The following NPY2R variants were observed in gnomAD, a reference collection of about 807,000 sequenced individuals.
NPY2R encodes neuropeptide Y receptor type 2.
NPY2R carries 17 observed loss-of-function variants against 22.3 expected under a neutral mutation model. The ratio of observed to expected loss-of-function variants is 0.76; its 90% CI spans 0.52 to 1.14. The LOEUF (loss-of-function observed/expected upper bound fraction) is 1.14, where lower values mean the gene tolerates loss of function less well. Ranked by LOEUF, NPY2R falls within the 50% of genes most tolerant of loss-of-function variation. The pLI, the probability that NPY2R is intolerant of heterozygous loss-of-function variation, is 0.00. For synonymous variants in NPY2R, 209 were observed against 183.4 expected, an observed-to-expected ratio of 1.14 and a Z score of -1.13; for missense variants, 424 against 467.9, an observed-to-expected ratio of 0.91 and a Z score of 0.87.
upstream of NPY2R, among the ~76,000 whole-genome samples, chr4:155,204,202 GAA>G (rs58738862): frequency 5.0e-5 from 7 of 138,962 alleles, no homozygotes; most frequent in African/African-American, 1.6e-4. Context: ...AAGGTGAGGG[GAA>G]AAAAAAAAAA....
chr4:155,187,601 C>T, the NPY2R span, among the ~76,000 whole-genome samples: 2 of 151,984 alleles, frequency 1.3e-5, no homozygotes, highest in African/African-American at 4.8e-5. Context: ...GTTTAATTGG[C>T]TTCATTAAGT....
At chr4:155,174,475 T>TAC in the NPY2R span, among the ~76,000 whole-genome samples, 1 of 88,188 alleles carries the variant, frequency 1.1e-5, no homozygotes, top group African/African-American at 5.9e-5. Flanking sequence ...TATATATATA[T>TAC]ATATATATAT....
chr4:155,214,110 C>G lies in NPY2R; in HGVS notation c.171C>G (p.Tyr57Ter). 1 of 1,613,926 alleles carries G rather than the reference C, an allele frequency of 6.2e-7. No individual in the cohort carries two copies. Among genetic ancestry groups the G allele is most frequent in the Non-Finnish European group, 8.5e-7 (1 of 1,179,766 alleles). ...IEVQVVLILAYCSIILLGVIG... is the reference protein window; with the variant it reads ...IEVQVVLILA ...TACAAGTTGTTCTCATATTGGCCTA[C>G]TGCTCCATCATCTTGCTTGGGGTAA... Residue 57 changes from tyrosine to a stop codon, truncating the protein, a stop_gained, in exon 2 of 2, where the codon TAC becomes TAG. Transcript: ENST00000329476. LOFTEE classifies it high-confidence loss of function.
chr4:155,179,926 AT>A, the NPY2R span, among the ~76,000 whole-genome samples: 1 of 151,894 alleles, frequency 6.6e-6, no homozygotes, highest in Non-Finnish European at 1.5e-5. Context: ...CATAGTATTC[AT>A]TTCAGTGGTT....
At chr4:155,184,241 A>T in the NPY2R span, among the ~76,000 whole-genome samples, 1 of 151,962 alleles carries the variant, frequency 6.6e-6, no homozygotes, top group Non-Finnish European at 1.5e-5. Context: ...TTCTCCTTTC[A>T]TGCCCAGATA....
chr4:155,198,533 C>CA, the NPY2R span, among the ~76,000 whole-genome samples: 2 of 86,528 alleles, frequency 2.3e-5, no homozygotes, highest in Non-Finnish European at 5.2e-5. Context: ...AAATATATAT[C>CA]AAATATCTTA....
rs968235492 is a variant in NPY2R at position 155,208,977 on chromosome 4, A to T, written c.-141A>T. ...CCGGACTTGCCTTTGGGCACCTTCC[A>T]GGGCCCTCTCCAGGTCGGCTGGCTA... is the stretch of plus-strand genomic sequence containing the variant. On this transcript the variant is annotated 5_prime_UTR_variant, in exon 1 of 2. Transcript: ENST00000329476. The surrounding 1 kb of genome is among the most constrained non-coding windows in gnomAD (Gnocchi z 5.6). 20 of 152,230 alleles carry T rather than the reference A, an allele frequency of 1.3e-4. No homozygotes were observed. The highest frequency in any genetic ancestry group is 4.8e-4 in the African/African-American group (20 of 41,458). 9.4% of individuals were successfully genotyped at this position (152,230 alleles called of 1,614,324 possible).
the NPY2R span, among the ~76,000 whole-genome samples, chr4:155,203,393 A>G: frequency 6.6e-6 from 1 of 152,186 alleles, no homozygotes; most frequent in African/African-American, 2.4e-5. Context: ...ACTCGCTACA[A>G]ATGAAGGTCA....
chr4:155,199,735 G>GACAAACCT, the NPY2R span, among the ~76,000 whole-genome samples: 3 of 150,416 alleles, frequency 2.0e-5, no homozygotes, highest in Admixed American at 6.6e-5. Context: ...CATCTGAACT[G>GACAAACCT]GACAAAAACA....
At position 155,213,949 on chromosome 4, in the gene NPY2R, A is replaced by G. The variant is rs555853130; in HGVS notation, c.10A>G (p.Ile4Val). Residue 4 changes from isoleucine (I) to valine (V), a missense_variant, in exon 2 of 2, where the codon ATA becomes GTA. By Grantham distance (29) the Ile-to-Val change is conservative (BLOSUM62 3). Coordinates refer to ENST00000329476, the MANE Select transcript of NPY2R (RefSeq NM_000910.4). The stretch of plus-strand genomic sequence containing the variant: ...TGGACCTGTACTGAAAATGGGTCCA[A>G]TAGGTGCAGAGGCTGATGAGAACCA... MGP[I>V]GAEADENQTV... is the part of the protein sequence containing the mutation. 12 of 1,613,944 alleles carry G rather than the reference A, an allele frequency of 7.4e-6. No homozygotes were observed. The Middle Eastern group carries it at 6.7e-4, about 90-fold the overall frequency.
At chr4:155,202,970 C>T in the NPY2R span, among the ~76,000 whole-genome samples, 2 of 152,178 alleles carry the variant, frequency 1.3e-5, no homozygotes, top group Admixed American at 6.5e-5. Context: ...TTAAAAATGT[C>T]CCTTCCTTTG....
chr4:155,174,004 T>C, the NPY2R span, among the ~76,000 whole-genome samples: 1 of 152,030 alleles, frequency 6.6e-6, no homozygotes, highest in Non-Finnish European at 1.5e-5. Flanking sequence ...TTAGGTCATT[T>C]TGGGATTAAG....
At position 155,209,853 on chromosome 4, in the gene NPY2R, C is replaced by CA. The variant is rs139610504; in HGVS notation, c.-49+789dup. 0.016 allele frequency among the ~76,000 whole-genome samples: 2,381 copies of CA among 152,116 alleles called. 87 individuals carry two copies. In the East Asian group the frequency reaches 0.17, roughly 11 times the overall value. On this transcript the variant is annotated intron_variant, in intron 1 of 1. Coordinates refer to ENST00000329476, the MANE Select transcript of NPY2R (RefSeq NM_000910.4). Reference sequence around the variant, plus strand: ...AGGCCAACCTGTGACAATATTGTTGCAAAAAGCCCCCACAGATTTAAACAT... The same window carrying CA: ...AGGCCAACCTGTGACAATATTGTTGCAAAAAAGCCCCCACAGATTTAAACAT...
upstream of NPY2R, among the ~76,000 whole-genome samples, chr4:155,204,430 A>G (rs539989765): frequency 2.6e-5 from 4 of 152,264 alleles, no homozygotes; most frequent in Non-Finnish European, 5.9e-5. Context: ...TTTTCCCATC[A>G]TTCAATTTAA....
In NPY2R at chr4:155,214,969, C is replaced by T; in HGVS notation, c.1030C>T (p.Gln344Ter). 1.2e-6 allele frequency: 2 copies of T among 1,614,244 alleles called. No homozygotes were observed. Among genetic ancestry groups the T allele is most frequent in the South Asian group, 2.2e-5 (2 of 91,088 alleles). Residue 344 changes from glutamine (Q) to a stop codon, truncating the protein, a stop_gained, in exon 2 of 2, where the codon CAG becomes TAG. Coordinates refer to ENST00000329476, the MANE Select transcript of NPY2R (RefSeq NM_000910.4). LOFTEE classifies it high-confidence loss of function. Reference sequence around the variant, plus strand: ...TTTCCTCTCGGCCTTCCGCTGTGAGCAGCGGTTGGATGCCATTCACTCTGA... The same window carrying T: ...TTTCCTCTCGGCCTTCCGCTGTGAGTAGCGGTTGGATGCCATTCACTCTGA... ...KAFLSAFRCE[Q>*]RLDAIHSEVS... is the part of the protein sequence containing the mutation.
At chr4:155,200,090 C>T in the NPY2R span, among the ~76,000 whole-genome samples, 1 of 151,904 alleles carries the variant, frequency 6.6e-6, no homozygotes, top group Non-Finnish European at 1.5e-5. Flanking sequence ...GACAAGTTTG[C>T]AATATACCCA....
the NPY2R span, among the ~76,000 whole-genome samples, chr4:155,193,523 G>A: frequency 1.3e-5 from 2 of 151,922 alleles, no homozygotes; most frequent in African/African-American, 4.8e-5. Context: ...GAGTCAGAGG[G>A]AAATCTACTT....
At chr4:155,213,817 C>A in intron 1 of NPY2R, 75 bp from the exon 2 acceptor site, 1 of 829,056 alleles carries the variant, frequency 1.2e-6, no homozygotes, top group Non-Finnish European at 2.0e-6. Context: ...AATTTCTTTG[C>A]TTCACCTTTG....
the NPY2R span, among the ~76,000 whole-genome samples, chr4:155,178,503 A>C: frequency 1.3e-5 from 2 of 152,224 alleles, no homozygotes; most frequent in African/African-American, 4.8e-5. Context: ...AATGTCAATG[A>C]GGAGGAATTT....
Sources: allele counts gnomAD v4.1 joint callset (sites outside exome capture counted in the v4.1 genomes callset), GRCh38; gene constraint gnomAD v4.1.1; non-coding constraint Gnocchi (gnomAD v3.1); transcripts MANE v1.5; gene names NCBI Gene and HGNC (gene_info 2026-07-23, HGNC 2026-07-21).